The following UBE2G2 variants were observed in gnomAD, a reference collection of about 807,000 sequenced individuals.
UBE2G2 encodes ubiquitin conjugating enzyme E2 G2.
A neutral mutation model predicts 23.0 loss-of-function variants in UBE2G2; 10 were observed. That is an observed-to-expected ratio of 0.43 (90% CI 0.27 to 0.74). UBE2G2 has a LOEUF of 0.74. UBE2G2 is among the 30% of genes least tolerant of loss of function. The pLI is 0.19. For synonymous variants in UBE2G2, 86 were observed against 81.3 expected, an observed-to-expected ratio of 1.06 and a Z score of -0.31; for missense variants, 150 against 218.3, an observed-to-expected ratio of 0.69 and a Z score of 1.97.
intron 1 of UBE2G2, among the ~76,000 whole-genome samples, chr21:44,797,652 C>T (rs543769625): frequency 1.5e-5 from 2 of 133,570 alleles, no homozygotes; most frequent in African/African-American, 5.9e-5. Flanking sequence ...GAGGCGGAGC[C>T]TGCAGTGAGT....
At position 44,779,480 on chromosome 21, in the gene UBE2G2, G is replaced by GCTGGAGAGGA. The variant is rs1184478997; in HGVS notation, c.126-2073_126-2064dup. ...CTCTTGCTACTGGTACAACAGCCGC[G>GCTGGAGAGGA]CTGGAGAGGACAGTGCCCGGATGAG... is the stretch of plus-strand genomic sequence containing the variant. On this transcript the variant is annotated intron_variant, in intron 3 of 5. Transcript: ENST00000345496. Among the ~76,000 whole-genome samples, 8 of 151,688 alleles carry GCTGGAGAGGA rather than the reference G, an allele frequency of 5.3e-5. No homozygotes were observed. The East Asian group carries it at 1.5e-3, about 29-fold the overall frequency.
At chr21:44,797,585 C>T (rs181371470) in intron 1 of UBE2G2, among the ~76,000 whole-genome samples, 34 of 151,878 alleles carry the variant, frequency 2.2e-4, no homozygotes, top group East Asian at 1.4e-3. Context: ...CATGGTGGCG[C>T]GCGCCTGTAG....
intron 4 of UBE2G2, among the ~76,000 whole-genome samples, chr21:44,775,915 C>T (rs926509166): frequency 1.3e-5 from 2 of 152,194 alleles, no homozygotes; most frequent in Non-Finnish European, 1.5e-5. Flanking sequence ...GCCAGTCTCC[C>T]TGAAAGAAGG....
At chr21:44,788,229 C>T (rs2083012451) in intron 1 of UBE2G2, 134 bp from the exon 2 acceptor site, 2 of 804,060 alleles carry the variant, frequency 2.5e-6, no homozygotes, top group Non-Finnish European at 3.8e-6. Flanking sequence ...ATTCTGTTTG[C>T]CCAAAGTGAA....
chr21:44,792,760 C>T (rs1343058014), intron 1 of UBE2G2, among the ~76,000 whole-genome samples: 4 of 152,330 alleles, frequency 2.6e-5, no homozygotes, highest in African/African-American at 7.2e-5. Flanking sequence ...ATACCACTAA[C>T]ACCTGCTGAG....
At chr21:44,777,202 A>T in intron 4 of UBE2G2, 97 bp downstream of exon 4, 1 of 1,026,098 alleles carries the variant, frequency 9.7e-7, no homozygotes, top group Non-Finnish European at 1.5e-6. Context: ...AAAGATCTAC[A>T]TCATAGACAT....
At chr21:44,785,826 A>AC (rs2082992651) in intron 3 of UBE2G2, 1 of 152,242 alleles carries the variant, frequency 6.6e-6, no homozygotes, top group African/African-American at 2.4e-5. Context: ...ACTCACTAGG[A>AC]TCTTCAAGCA....
At position 44,801,744 on chromosome 21, in the gene UBE2G2, G is replaced by A. The variant is rs868924067; in HGVS notation, c.5C>T (p.Ala2Val). Residue 2 changes from alanine to valine, a missense_variant, in exon 1 of 6, where the codon GCG (alanine) becomes GTG (valine). Transcript: ENST00000345496. M[A>V]GTALKRLMAE... ...CATCAGCCTCTTGAGCGCGGTCCCC[G>A]CCATGGCCCCGCAACAGCTGCGCCG... 32 of 1,519,708 alleles carry A rather than the reference G, an allele frequency of 2.1e-5. No homozygotes were observed. The highest frequency in any genetic ancestry group is 2.7e-5 in the Non-Finnish European group (31 of 1,135,944). The allele number at this position is 1,519,708 out of a possible 1,614,324, so 94.1% of individuals were successfully genotyped here. A position where few individuals can be genotyped will look rare whatever the true frequency, so the allele number is the denominator to read the frequency against.
chr21:44,801,203 C>T (rs911989162), intron 1 of UBE2G2: 2 of 529,360 alleles, frequency 3.8e-6, no homozygotes, highest in African/African-American at 4.1e-5. Context: ...AAGAGGTTTC[C>T]TCAACACTAC....
At chr21:44,774,901 A>G (rs2082901569) in intron 4 of UBE2G2, 3 of 355,482 alleles carry the variant, frequency 8.4e-6, no homozygotes, top group Admixed American at 7.8e-5. Context: ...GCCATGTCCT[A>G]AACCTCTCGT....
chr21:44,773,907 G>A (rs2082893674), intron 4 of UBE2G2: 1 of 534,490 alleles, frequency 1.9e-6, no homozygotes, highest in Non-Finnish European at 3.2e-6. Context: ...GGCTGACCCA[G>A]CCAGTTCTAA....
chr21:44,791,330 A>G (rs1272903873), intron 1 of UBE2G2, among the ~76,000 whole-genome samples: 1 of 152,132 alleles, frequency 6.6e-6, no homozygotes, highest in Non-Finnish European at 1.5e-5. Flanking sequence ...AGCCCCTCCC[A>G]TCACAAGCAG....
intron 3 of UBE2G2, among the ~76,000 whole-genome samples, chr21:44,781,184 G>A (rs987972031): frequency 2.6e-5 from 4 of 152,196 alleles, no homozygotes; most frequent in Admixed American, 1.3e-4. Context: ...ACTAAGGGAC[G>A]ATGGCCCTCC....
intron 3 of UBE2G2, among the ~76,000 whole-genome samples, chr21:44,785,309 T>C (rs1267109065): frequency 6.6e-6 from 1 of 152,158 alleles, no homozygotes; most frequent in Non-Finnish European, 1.5e-5. Context: ...AGCAGAGTTA[T>C]TCCCGGTGTT....
chr21:44,783,166 G>A (rs1386193533), intron 3 of UBE2G2, among the ~76,000 whole-genome samples: 1 of 152,226 alleles, frequency 6.6e-6, no homozygotes, highest in Non-Finnish European at 1.5e-5. Flanking sequence ...AGCCCATTAA[G>A]AGATGCTCAA....
Position 44,770,137 on chromosome 21 carries a change from T to G in UBE2G2, c.*1240A>C, listed in dbSNP as rs983786956. Reference sequence around the variant, plus strand: ...GGGGATAAGGCACTCCTCTGTGCTCTGAGCTAAGATATGGTAGAGTCCCTT... The same window carrying G: ...GGGGATAAGGCACTCCTCTGTGCTCGGAGCTAAGATATGGTAGAGTCCCTT... On this transcript the variant is annotated 3_prime_UTR_variant, in exon 6 of 6. Transcript: ENST00000345496. 2.6e-4 allele frequency: 39 copies of G among 152,258 alleles called. No individual in the cohort carries two copies. The highest frequency in any genetic ancestry group is 9.4e-4 in the African/African-American group (39 of 41,466). 9.4% of individuals were successfully genotyped at this position (152,258 alleles called of 1,614,324 possible).
intron 1 of UBE2G2, chr21:44,801,330 T>A (rs1228688124): frequency 9.3e-7 from 1 of 1,069,978 alleles, no homozygotes; most frequent in African/African-American, 1.7e-5. Flanking sequence ...ACGCATACAC[T>A]TTTCCCTCCT....
chr21:44,777,885 T>C (rs1324352725), intron 3 of UBE2G2, among the ~76,000 whole-genome samples: 1 of 152,118 alleles, frequency 6.6e-6, no homozygotes, highest in Non-Finnish European at 1.5e-5. Context: ...ATTGGTACTT[T>C]CTTTTCAGTG....
At chr21:44,786,846 C>G (rs782748939) in intron 3 of UBE2G2, among the ~76,000 whole-genome samples, 1 of 152,244 alleles carries the variant, frequency 6.6e-6, no homozygotes, top group Non-Finnish European at 1.5e-5. Context: ...TATCCCAGCA[C>G]TCTGGGAGGC....
Sources: gnomAD v4.1 joint callset for allele counts (sites outside exome capture counted in the v4.1 genomes callset) on GRCh38, gnomAD v4.1.1 for gene constraint, MANE v1.5 for transcripts, NCBI Gene and HGNC (gene_info 2026-07-23, HGNC 2026-07-21) for gene names.